Variants in CCT6A observed in about 807,000 individuals in gnomAD.
CCT6A encodes the protein chaperonin containing TCP1 subunit 6A.
CCT6A carries 6 observed loss-of-function variants against 58.6 expected under a neutral mutation model. The observed-to-expected ratio is 0.10, with a 90% confidence interval of 0.06 to 0.20. The LOEUF is 0.20. Among genes scored for constraint, CCT6A ranks in the 10% least tolerant of loss-of-function variants. CCT6A has a pLI of 1.00. For missense variants in CCT6A, 516 were observed against 648.8 expected (o/e 0.80, Z 2.22); for synonymous variants, 245 against 227.8 (o/e 1.08, Z -0.68).
In CCT6A at chr7:56,059,716, G is replaced by T. The variant is rs1286024074; in HGVS notation, c.1065+76G>T. On this transcript the variant is annotated intron_variant, in intron 9 of 13. Transcript: ENST00000275603. ...ATTTTTGTTTGTTTGTTTGAGGTGGGGTCTCACTCCTGCCCGGGCTGGAGT... is the reference window on the plus strand; with the variant it reads ...ATTTTTGTTTGTTTGTTTGAGGTGGTGTCTCACTCCTGCCCGGGCTGGAGT... The T allele has an allele frequency of 2.1e-5, 16 of 763,216 alleles. No individual in the cohort carries two copies. In the African/African-American group the frequency reaches 2.7e-4, roughly 13 times the overall value. The allele number at this position is 763,216 out of a possible 1,614,324, so 47.3% of individuals were successfully genotyped here.
In CCT6A at chr7:56,051,821, C is replaced by A. The variant is rs937363029; in HGVS notation, c.-28C>A. The A allele has an allele frequency of 1.9e-6, 3 of 1,548,686 alleles. No individual in the cohort carries two copies. Among genetic ancestry groups the A allele is most frequent in the Non-Finnish European group, 2.6e-6 (3 of 1,146,984 alleles). On this transcript the variant is annotated 5_prime_UTR_variant, in exon 1 of 14. Coordinates refer to ENST00000275603, the MANE Select transcript of CCT6A (RefSeq NM_001762.4). ...CGCGCCGGCTCTGGGCACTCAGCAT[C>A]GTTTCCTTTTCCTCCGCTGGAGCAG...
In CCT6A at chr7:56,056,354, C is replaced by G. The variant is rs1488568955; in HGVS notation, c.554C>G (p.Pro185Arg). The change falls in exon 5 of 14, where the codon CCT becomes CGT. Residue 185 changes from proline to arginine, a missense_variant. Physicochemically the swap from Pro to Arg is moderately radical, Grantham distance 103. Transcript: ENST00000275603. ...TTGGCCATTAAAAAGCAAGATGAAC[C>G]TATTGATCTCTTCATGATTGAGATC... is the stretch of plus-strand genomic sequence containing the variant. ...SILAIKKQDE[P>R]IDLFMIEIME... is the part of the protein sequence containing the mutation. The G allele has an allele frequency of 6.2e-7, 1 of 1,601,660 alleles. No homozygotes were observed. The highest frequency in any genetic ancestry group is 8.6e-7 in the Non-Finnish European group (1 of 1,168,632).
intron 5 of CCT6A, among the ~76,000 whole-genome samples, chr7:56,056,848 G>A (rs937139742): frequency 5.3e-5 from 8 of 149,744 alleles, no homozygotes; most frequent in African/African-American, 1.7e-4. Context: ...AGCCTGGAGT[G>A]TACAGTGGCA....
In CCT6A at chr7:56,063,272, G is replaced by T. The variant is rs1584556107; in HGVS notation, c.*187G>T. On this transcript the variant is annotated 3_prime_UTR_variant, in exon 14 of 14. Transcript: ENST00000275603. Reference sequence around the variant, plus strand: ...TTATAGTATTTTTAAAAATTGCACTGAAGTGTATACACATAAAGCAGGTCT... The same window carrying T: ...TTATAGTATTTTTAAAAATTGCACTTAAGTGTATACACATAAAGCAGGTCT... 1.7e-6 allele frequency: 1 copy of T among 600,978 alleles called. No homozygotes were observed. Among genetic ancestry groups the T allele is most frequent in the East Asian group, 2.8e-5 (1 of 35,608 alleles). The allele number at this position is 600,978 out of a possible 1,614,324, so 37.2% of individuals were successfully genotyped here.
At chr7:56,056,726 A>T (rs1213084163) in intron 5 of CCT6A, among the ~76,000 whole-genome samples, 1 of 145,960 alleles carries the variant, frequency 6.9e-6, no homozygotes, top group Non-Finnish European at 1.5e-5. Context: ...CCGTCCCATT[A>T]AAAAAAAAAC....
intron 4 of CCT6A, 28 bp downstream of exon 4, chr7:56,055,825 G>A (rs779079031): frequency 1.3e-6 from 2 of 1,529,026 alleles, no homozygotes; most frequent in East Asian, 2.2e-5. Context: ...TCTATGTCTG[G>A]TATAGTATAC....
At chr7:56,055,533 C>T (rs1794287558) in intron 3 of CCT6A, 91 bp from the exon 4 acceptor site, 1 of 1,083,992 alleles carries the variant, frequency 9.2e-7, no homozygotes, top group African/African-American at 1.6e-5. Context: ...TATGATGATC[C>T]AGAACACTCC....
intron 9 of CCT6A, 70 bp from the exon 10 acceptor site, chr7:56,060,199 T>C (rs1264811669): frequency 3.7e-6 from 5 of 1,347,574 alleles, no homozygotes; most frequent in African/African-American, 1.4e-5. Flanking sequence ...TGTCATTCTC[T>C]GTAAGTCCCT....
At chr7:56,058,236 T>C in intron 6 of CCT6A, 126 bp from the exon 7 acceptor site, 1 of 851,876 alleles carries the variant, frequency 1.2e-6, no homozygotes, top group Non-Finnish European at 1.9e-6. Flanking sequence ...TAGGAAACAG[T>C]CTCTGAAGAT....
chr7:56,057,455 C>T (rs1161303083), intron 5 of CCT6A, among the ~76,000 whole-genome samples: 1 of 152,210 alleles, frequency 6.6e-6, no homozygotes, highest in Non-Finnish European at 1.5e-5. Context: ...CCTCTCACTT[C>T]TGCCTCCGTA....
rs777746287 is a variant in CCT6A, at chr7:56,058,495, A to G, written c.859A>G (p.Lys287Glu). 11 of 1,596,596 alleles carry G rather than the reference A, an allele frequency of 6.9e-6. No individual in the cohort carries two copies. Among genetic ancestry groups the G allele is most frequent in the Non-Finnish European group, 9.4e-6 (11 of 1,175,084 alleles). Residue 287 changes from lysine to glutamate, a missense_variant, in exon 7 of 14, where the codon AAA becomes GAA. Physicochemically the swap from Lys to Glu is moderately conservative, Grantham distance 56. Around this residue, in one of 3 missense-constraint regions of CCT6A, gnomAD observed 315 missense variants for 389.4 expected, o/e 0.81. Coordinates refer to ENST00000275603, the MANE Select transcript of CCT6A (RefSeq NM_001762.4). ...LKRKVCGDSD[K>E]GFVVINQKGI... ...AAGGAAAGTCTGTGGCGATTCAGAT[A>G]AAGGATTTGTTGTTATTAATCAAAA...
chr7:56,057,651 C>T (rs1261250367), intron 5 of CCT6A, among the ~76,000 whole-genome samples: 18 of 152,238 alleles, frequency 1.2e-4, no homozygotes, highest in Middle Eastern at 3.4e-3. Context: ...GAGGCCAAGG[C>T]GGGCGGATCA....
intron 6 of CCT6A, 33 bp downstream of exon 6, chr7:56,058,136 G>A (rs1794355234): frequency 8.1e-7 from 1 of 1,228,684 alleles, no homozygotes; most frequent in Admixed American, 1.8e-5. Flanking sequence ...GTGAAATGGA[G>A]AAGCTTCGTA....
chr7:56,052,630 T>A (rs1794171310), intron 2 of CCT6A, 145 bp downstream of exon 2: 2 of 690,318 alleles, frequency 2.9e-6, no homozygotes, highest in Non-Finnish European at 2.6e-6. Flanking sequence ...GTGCCTGGAG[T>A]CTGACAGCCC....
intron 11 of CCT6A, 34 bp from the exon 12 acceptor site, chr7:56,061,707 TAGTTCC>T: frequency 1.2e-6 from 1 of 805,068 alleles, no homozygotes; most frequent in Non-Finnish European, 2.0e-6. Flanking sequence ...TATCAGTTAT[TAGTTCC>T]TGTTTTCTCA....
In CCT6A at chr7:56,055,704, A is replaced by C; in HGVS notation, c.417A>C (p.Val139=). 6.2e-7 allele frequency: 1 copy of C among 1,613,690 alleles called. No individual in the cohort carries two copies. The highest frequency in any genetic ancestry group is 8.5e-7 in the Non-Finnish European group (1 of 1,179,606). The change falls in exon 4 of 14, where the codon GTA becomes GTC. Residue 139 remains valine (V), a synonymous_variant. Coordinates refer to ENST00000275603, the MANE Select transcript of CCT6A (RefSeq NM_001762.4). ...TTCAGTTTTTGGAAGAAGTCAAAGT[A>C]AGCAGAGAGATGGACAGGGAAACAC... is the stretch of plus-strand genomic sequence containing the variant. ...KALQFLEEVK[V]SREMDRETLI...
At chr7:56,061,661 CTTTTTTCTTTTTTTTTTTT>C (rs2117349434) in intron 11 of CCT6A, 67 bp from the exon 12 acceptor site, 1 of 591,390 alleles carries the variant, frequency 1.7e-6, no homozygotes, top group South Asian at 1.9e-5. Context: ...TTTTCTTTTT[CTTTTTTCTTTTTTTTTTTT>C]TTTTTTTTTT....
Position 56,051,770 on chromosome 7 carries a change from A to G in CCT6A, c.-79A>G, listed in dbSNP as rs574372841. 4.6e-6 allele frequency: 7 copies of G among 1,512,572 alleles called. No homozygotes were observed. In the East Asian group the frequency reaches 1.8e-4, roughly 40 times the overall value. 93.7% of individuals were successfully genotyped at this position (1,512,572 alleles called of 1,614,324 possible). A position where few individuals can be genotyped will look rare whatever the true frequency, so the allele number is the denominator to read the frequency against. On this transcript the variant is annotated 5_prime_UTR_variant, in exon 1 of 14. Coordinates refer to ENST00000275603, the MANE Select transcript of CCT6A (RefSeq NM_001762.4). ...CCAGACGGGCCGACTTTTCCAGAAG[A>G]CCCGGATAGTTCCTCCCGGCCACGC...
At chr7:56,056,197 G>A in intron 4 of CCT6A, 114 bp from the exon 5 acceptor site, 1 of 716,070 alleles carries the variant, frequency 1.4e-6, no homozygotes, top group Admixed American at 2.3e-5. Flanking sequence ...GATAGAAAAA[G>A]ACTTAAATCA....
Sources: allele counts gnomAD v4.1 joint callset (sites outside exome capture counted in the v4.1 genomes callset), GRCh38; gene constraint gnomAD v4.1.1; regional missense constraint gnomAD v4.1.1; transcripts MANE v1.5; gene names NCBI Gene and HGNC (gene_info 2026-07-23, HGNC 2026-07-21).